SPHK1: variants seen among roughly 807,000 people sequenced by gnomAD.
SPHK1 encodes the protein SK 1.
A neutral mutation model predicts 14.6 loss-of-function variants in SPHK1; 10 were observed. The observed-to-expected ratio is 0.68, with a 90% confidence interval of 0.42 to 1.16. The LOEUF (loss-of-function observed/expected upper bound fraction) is 1.16, where lower values mean the gene tolerates loss of function less well. Among genes scored for constraint, SPHK1 ranks in the 50% most tolerant of loss-of-function variants. The pLI is 0.00. For missense variants in SPHK1, 553 were observed against 525.4 expected, an observed-to-expected ratio of 1.05 and a Z score of -0.51; for synonymous variants, 274 against 224.0, an observed-to-expected ratio of 1.22 and a Z score of -1.99.
Position 76,385,364 on chromosome 17 carries a change from G to T in SPHK1, c.-194-87G>T. 2.1e-6 allele frequency: 3 copies of T among 1,448,328 alleles called. No homozygotes were observed. Among genetic ancestry groups the T allele is most frequent in the Non-Finnish European group, 2.7e-6 (3 of 1,103,798 alleles). The allele number at this position is 1,448,328 out of a possible 1,614,324, so 89.7% of individuals were successfully genotyped here. The stretch of plus-strand genomic sequence containing the variant: ...GGACTTCCCGGGAACCTGGCTCCCC[G>T]CGCGTGGTCCCGGGATTTAGTCGGG... On this transcript the variant is annotated intron_variant, in intron 1 of 5. Coordinates refer to ENST00000592299, the MANE Select transcript of SPHK1 (RefSeq NM_001142601.2). This position sits in a 1 kb window ranked among gnomAD's most constrained non-coding sequence, Gnocchi z 5.3.
rs755503328 is a variant in SPHK1, at chr17:76,386,916, G to C, written c.485G>C (p.Arg162Pro). ...LLSLHTASGL[R>P]LFSVLSLAWG... The stretch of plus-strand genomic sequence containing the variant: ...TCTCTGCACACGGCTTCGGGGCTGC[G>C]CCTCTTCTCTGTGCTCAGCCTGGCC... The change falls in exon 6 of 6, where the codon CGC (arginine) becomes CCC (proline). Residue 162 changes from arginine to proline, a missense_variant. Coordinates refer to ENST00000592299, the MANE Select transcript of SPHK1 (RefSeq NM_001142601.2). This position sits in a 1 kb window ranked among gnomAD's most constrained non-coding sequence, Gnocchi z 5.3. 2 of 1,612,748 alleles carry C rather than the reference G, an allele frequency of 1.2e-6. No homozygotes were observed. Among genetic ancestry groups the C allele is most frequent in the Admixed American group, 1.7e-5 (1 of 59,938 alleles).
rs1203983404 is a variant in SPHK1 at position 76,386,010 on chromosome 17, G to A, written c.36G>A (p.Pro12=). 1 of 1,602,810 alleles carries A rather than the reference G, an allele frequency of 6.2e-7. No homozygotes were observed. Residue 12 remains proline, a synonymous_variant, in exon 3 of 6, where the codon CCG becomes CCA. Transcript: ENST00000592299. This position sits in a 1 kb window ranked among gnomAD's most constrained non-coding sequence, Gnocchi z 5.3. The stretch of plus-strand genomic sequence containing the variant: ...CGGGCGGCCCCCGGGGCGTGCTCCC[G>A]CGGCCCTGCCGCGTGCTGGTGCTGC... ...DPAGGPRGVL[P]RPCRVLVLLN... is the part of the protein sequence containing the mutation.
At position 76,387,089 on chromosome 17, in the gene SPHK1, T is replaced by C; in HGVS notation, c.658T>C (p.Ser220Pro). Residue 220 changes from serine (S) to proline (P), a missense_variant, in exon 6 of 6, where the codon TCC becomes CCC. Ser to Pro is a moderately conservative substitution (Grantham distance 74). Coordinates refer to ENST00000592299, the MANE Select transcript of SPHK1 (RefSeq NM_001142601.2). This position sits in a 1 kb window ranked among gnomAD's most constrained non-coding sequence, Gnocchi z 4.1. ...LAYLPVGRVG[S>P]KTPASPVVVQ... ...CTACCTCCCTGTAGGAAGAGTGGGT[T>C]CCAAGACACCTGCCTCCCCCGTTGT... is the stretch of plus-strand genomic sequence containing the variant. 6.2e-7 allele frequency: 1 copy of C among 1,613,308 alleles called. No homozygotes were observed.
At chr17:76,383,224 G>C (rs2071895487), upstream of SPHK1, 2 of 152,174 alleles carry the variant, frequency 1.3e-5, no homozygotes, top group Admixed American at 1.3e-4. Flanking sequence ...AACGCGCTCG[G>C]GACGCTCTGG....
In SPHK1 at chr17:76,386,364, C is replaced by T; in HGVS notation, c.259-29C>T. The stretch of plus-strand genomic sequence containing the variant: ...GGCCTGGGGCTTGGCGCGGTGCGTC[C>T]CAGGCTGAGGCCACGTGTGCTTCAA... On this transcript the variant is annotated intron_variant, in intron 4 of 5. Coordinates refer to ENST00000592299, the MANE Select transcript of SPHK1 (RefSeq NM_001142601.2). The surrounding 1 kb of genome is among the most constrained non-coding windows in gnomAD (Gnocchi z 5.3). 6.2e-7 allele frequency: 1 copy of T among 1,607,246 alleles called. No individual in the cohort carries two copies. Among genetic ancestry groups the T allele is most frequent in the Non-Finnish European group, 8.5e-7 (1 of 1,176,602 alleles).
Position 76,385,264 on chromosome 17 carries a change from A to C in SPHK1, c.-194-187A>C. On this transcript the variant is annotated intron_variant, in intron 1 of 5. Transcript: ENST00000592299. This position sits in a 1 kb window ranked among gnomAD's most constrained non-coding sequence, Gnocchi z 5.3. ...AGCCCCAGGGAGAAAGCCCCGGAGCAGGCGCCCTTCTCAGGGATTGTAGGC... is the reference window on the plus strand; with the variant it reads ...AGCCCCAGGGAGAAAGCCCCGGAGCCGGCGCCCTTCTCAGGGATTGTAGGC... 6.6e-7 allele frequency: 1 copy of C among 1,510,942 alleles called. No homozygotes were observed. Among genetic ancestry groups the C allele is most frequent in the Non-Finnish European group, 8.9e-7 (1 of 1,128,306 alleles). 93.6% of individuals were successfully genotyped at this position (1,510,942 alleles called of 1,614,324 possible).
In SPHK1 at chr17:76,387,701, G is replaced by C. The variant is rs2072021098; in HGVS notation, c.*115G>C. On this transcript the variant is annotated 3_prime_UTR_variant, in exon 6 of 6. Transcript: ENST00000592299. The surrounding 1 kb of genome is among the most constrained non-coding windows in gnomAD (Gnocchi z 4.1). ...GTGGAGGAGACTCCTCTGGAGAAGGGTGAGAAGGTGGAGGCTATGCTTTGG... is the reference window on the plus strand; with the variant it reads ...GTGGAGGAGACTCCTCTGGAGAAGGCTGAGAAGGTGGAGGCTATGCTTTGG... The C allele has an allele frequency of 8.3e-7, 1 of 1,200,180 alleles. No individual in the cohort carries two copies. Among genetic ancestry groups the C allele is most frequent in the African/African-American group, 1.5e-5 (1 of 65,196 alleles). 74.3% of individuals were successfully genotyped at this position (1,200,180 alleles called of 1,614,324 possible).
Position 76,386,223 on chromosome 17 carries a change from C to G in SPHK1, c.166C>G (p.Arg56Gly), listed in dbSNP as rs773851839. Residue 56 changes from arginine (R) to glycine (G), a missense_variant and splice_region_variant, in exon 4 of 6, where the codon CGG (arginine) becomes GGG (glycine). Coordinates refer to ENST00000592299, the MANE Select transcript of SPHK1 (RefSeq NM_001142601.2). This position sits in a 1 kb window ranked among gnomAD's most constrained non-coding sequence, Gnocchi z 5.3. ...EISFTLMLTERRNHARELVRS... is the reference protein window; with the variant it reads ...EISFTLMLTEGRNHARELVRS... ...GATAGCTGCCGGTCTCCCTGCAGAG[C>G]GGCGGAACCACGCGCGGGAGCTGGT... The G allele has an allele frequency of 6.3e-7, 1 of 1,595,384 alleles. No homozygotes were observed. The highest frequency in any genetic ancestry group is 1.1e-5 in the South Asian group (1 of 90,310).
In SPHK1 at chr17:76,386,559, C is replaced by T. The variant is rs1598569677; in HGVS notation, c.374+51C>T. 3.9e-6 allele frequency: 6 copies of T among 1,529,014 alleles called. No homozygotes were observed. In the South Asian group the frequency reaches 7.0e-5, roughly 18 times the overall value. 94.7% of individuals were successfully genotyped at this position (1,529,014 alleles called of 1,614,324 possible). On this transcript the variant is annotated intron_variant, in intron 5 of 5. Coordinates refer to ENST00000592299, the MANE Select transcript of SPHK1 (RefSeq NM_001142601.2). This position sits in a 1 kb window ranked among gnomAD's most constrained non-coding sequence, Gnocchi z 5.3. ...CTGTTTCCCGTCAGTGCTCCTCTAC[C>T]GCGGGGGTTTTCTTGTCTAAGCTCC...
chr17:76,385,603 G>T lies in SPHK1; in HGVS notation c.-42G>T. The T allele has an allele frequency of 6.5e-7, 1 of 1,540,414 alleles. No homozygotes were observed. On this transcript the variant is annotated 5_prime_UTR_variant, in exon 2 of 6. Coordinates refer to ENST00000592299, the MANE Select transcript of SPHK1 (RefSeq NM_001142601.2). The surrounding 1 kb of genome is among the most constrained non-coding windows in gnomAD (Gnocchi z 5.3). ...CGCCGCCACGGGCAGCGCCCCCACA[G>T]CGCCAGGGACCCCCTGGCAGCGGGA...
chr17:76,385,263 C>T lies in SPHK1; in HGVS notation c.-194-188C>T, dbSNP rs1014207660. ...AAGCCCCAGGGAGAAAGCCCCGGAG[C>T]AGGCGCCCTTCTCAGGGATTGTAGG... On this transcript the variant is annotated intron_variant, in intron 1 of 5. Coordinates refer to ENST00000592299, the MANE Select transcript of SPHK1 (RefSeq NM_001142601.2). The surrounding 1 kb of genome is among the most constrained non-coding windows in gnomAD (Gnocchi z 5.3). 7 of 1,511,686 alleles carry T rather than the reference C, an allele frequency of 4.6e-6. No individual in the cohort carries two copies. Among genetic ancestry groups the T allele is most frequent in the Non-Finnish European group, 6.2e-6 (7 of 1,128,776 alleles). 93.6% of individuals were successfully genotyped at this position (1,511,686 alleles called of 1,614,324 possible). A position where few individuals can be genotyped will look rare whatever the true frequency, so the allele number is the denominator to read the frequency against.
chr17:76,385,309 G>A lies in SPHK1; in HGVS notation c.-194-142G>A. ...GTAGGCTTAGTCACACGGCGGGGGCGCCCTCGGAGGCACCGGACCTCAGCT... is the reference window on the plus strand; with the variant it reads ...GTAGGCTTAGTCACACGGCGGGGGCACCCTCGGAGGCACCGGACCTCAGCT... On this transcript the variant is annotated intron_variant, in intron 1 of 5. Transcript: ENST00000592299. The surrounding 1 kb of genome is among the most constrained non-coding windows in gnomAD (Gnocchi z 5.3). 6.9e-7 allele frequency: 1 copy of A among 1,456,612 alleles called. No homozygotes were observed. Among genetic ancestry groups the A allele is most frequent in the Non-Finnish European group, 9.1e-7 (1 of 1,104,678 alleles). The allele number at this position is 1,456,612 out of a possible 1,614,324, so 90.2% of individuals were successfully genotyped here. A position where few individuals can be genotyped will look rare whatever the true frequency, so the allele number is the denominator to read the frequency against.
rs1377942773 is a variant in SPHK1 at position 76,385,678 on chromosome 17, G to T, written c.10+24G>T. 1 of 1,523,288 alleles carries T rather than the reference G, an allele frequency of 6.6e-7. No individual in the cohort carries two copies. Among genetic ancestry groups the T allele is most frequent in the African/African-American group, 1.4e-5 (1 of 72,780 alleles). 94.4% of individuals were successfully genotyped at this position (1,523,288 alleles called of 1,614,324 possible). A position where few individuals can be genotyped will look rare whatever the true frequency, so the allele number is the denominator to read the frequency against. On this transcript the variant is annotated intron_variant, in intron 2 of 5. Coordinates refer to ENST00000592299, the MANE Select transcript of SPHK1 (RefSeq NM_001142601.2). This position sits in a 1 kb window ranked among gnomAD's most constrained non-coding sequence, Gnocchi z 5.3. ...AGGTTTGTGGGGTTCCTGCTGGGAA[G>T]GGCTGTAGGGGGATTCCTGTTCCTC...
chr17:76,386,742 G>C lies in SPHK1; in HGVS notation c.375-64G>C, dbSNP rs764073134. ...CGCTTTGCCAGCTCCCACTCCCCGG[G>C]AGGAGGAAGCGGGGGATACATGGGG... On this transcript the variant is annotated intron_variant, in intron 5 of 5. Coordinates refer to ENST00000592299, the MANE Select transcript of SPHK1 (RefSeq NM_001142601.2). The surrounding 1 kb of genome is among the most constrained non-coding windows in gnomAD (Gnocchi z 5.3). 2 of 1,492,088 alleles carry C rather than the reference G, an allele frequency of 1.3e-6. No homozygotes were observed. The highest frequency in any genetic ancestry group is 1.8e-6 in the Non-Finnish European group (2 of 1,116,722). The allele number at this position is 1,492,088 out of a possible 1,614,324, so 92.4% of individuals were successfully genotyped here. A position where few individuals can be genotyped will look rare whatever the true frequency, so the allele number is the denominator to read the frequency against.
chr17:76,383,967 C>T, upstream of SPHK1: 1 of 958,914 alleles, frequency 1.0e-6, no homozygotes, highest in Non-Finnish European at 1.3e-6. Flanking sequence ...CGCTAGGCGG[C>T]CTCAGGCTCG....
chr17:76,383,529 G>A (rs1469022028), upstream of SPHK1: 1 of 262,326 alleles, frequency 3.8e-6, no homozygotes, highest in South Asian at 2.9e-5. Context: ...CGATGAGAGA[G>A]GTGTGTGGGG....
upstream of SPHK1, chr17:76,383,435 C>A (rs1037438998): frequency 5.6e-6 from 1 of 177,630 alleles, no homozygotes; most frequent in Non-Finnish European, 1.2e-5. Flanking sequence ...GAAGACACCG[C>A]GGAGGCGTGC....
At chr17:76,383,501 C>G, upstream of SPHK1, 1 of 236,988 alleles carries the variant, frequency 4.2e-6, no homozygotes, top group South Asian at 3.6e-5. Flanking sequence ...GGACCTGCCT[C>G]TTCTCGACTT....
chr17:76,386,050 G>A lies in SPHK1; in HGVS notation c.76G>A (p.Gly26Ser). 1.2e-6 allele frequency: 2 copies of A among 1,608,226 alleles called. No homozygotes were observed. The highest frequency in any genetic ancestry group is 2.2e-5 in the South Asian group (2 of 90,856). ...RVLVLLNPRGGKGKALQLFRS... is the reference protein window; with the variant it reads ...RVLVLLNPRGSKGKALQLFRS... ...GCTGGTGCTGCTGAACCCGCGCGGC[G>A]GCAAGGGCAAGGCCTTGCAGCTCTT... Residue 26 changes from glycine (G) to serine (S), a missense_variant, in exon 3 of 6, where the codon GGC (glycine) becomes AGC (serine). Physicochemically the swap from Gly to Ser is moderately conservative, Grantham distance 56. Coordinates refer to ENST00000592299, the MANE Select transcript of SPHK1 (RefSeq NM_001142601.2). The surrounding 1 kb of genome is among the most constrained non-coding windows in gnomAD (Gnocchi z 5.3).
Sources: gnomAD v4.1 joint callset for allele counts on GRCh38, gnomAD v4.1.1 for gene constraint, Gnocchi (gnomAD v3.1) non-coding constraint, MANE v1.5 for transcripts, NCBI Gene and HGNC (gene_info 2026-07-23, HGNC 2026-07-21) for gene names.